CELF2: variants seen among roughly 807,000 people sequenced by gnomAD.
CELF2 encodes the protein CUG triplet repeat RNA-binding protein 2.
In CELF2, 8 loss-of-function variants were observed where a neutral mutation model predicts 62.6. The ratio of observed to expected loss-of-function variants is 0.13; its 90% CI spans 0.07 to 0.23. The LOEUF (loss-of-function observed/expected upper bound fraction) is 0.23, where lower values mean the gene tolerates loss of function less well. Among genes scored for constraint, CELF2 ranks in the 10% least tolerant of loss-of-function variants. The pLI is 1.00. For synonymous variants in CELF2, 258 were observed against 250.0 expected (o/e 1.03, Z -0.30); for missense variants, 333 against 671.0 (o/e 0.50, Z 5.56).
chr10:11,232,186 C>T (rs943107436), intron 3 of CELF2, among the ~76,000 whole-genome samples: 1 of 152,008 alleles, frequency 6.6e-6, no homozygotes, highest in Non-Finnish European at 1.5e-5. Flanking sequence ...TGTTCCCCTT[C>T]CTGTGTCCAT....
At chr10:10,497,294 G>C in the CELF2 span, among the ~76,000 whole-genome samples, 1 of 151,900 alleles carries the variant, frequency 6.6e-6, no homozygotes, top group Non-Finnish European at 1.5e-5. Flanking sequence ...AAAGATCCAA[G>C]AAAGGAGAGG....
chr10:10,991,556 CTG>C (rs1175645934), intron 2 of CELF2, among the ~76,000 whole-genome samples: 1 of 152,186 alleles, frequency 6.6e-6, no homozygotes, highest in Non-Finnish European at 1.5e-5. Flanking sequence ...ACAAATTAGA[CTG>C]TTACACTGAG....
At chr10:10,520,467 C>T in the CELF2 span, among the ~76,000 whole-genome samples, 2 of 152,054 alleles carry the variant, frequency 1.3e-5, no homozygotes, top group South Asian at 4.1e-4. Flanking sequence ...TCCTGTTCTC[C>T]CAATACTTAA....
In CELF2 at chr10:11,000,177, T is replaced by G. The variant is rs1019285568; in HGVS notation, c.89+80178T>G. 3.9e-5 allele frequency among the ~76,000 whole-genome samples: 6 copies of G among 151,966 alleles called. No homozygotes were observed. In the East Asian group the frequency reaches 7.7e-4, roughly 19 times the overall value. ...TTTTTGATTGTTTGTTTGTTTGTTT[T>G]TTTAATCAACTACATTATCCATGAT... On this transcript the variant is annotated intron_variant, in intron 2 of 13. Coordinates refer to the CELF2 transcript ENST00000636488.
intron 9 of CELF2, among the ~76,000 whole-genome samples, chr10:11,313,151 C>T (rs1455529811): frequency 6.6e-6 from 1 of 152,182 alleles, no homozygotes. Context: ...TTACACCAAA[C>T]ATCATACAAA....
chr10:10,622,679 G>A, the CELF2 span, among the ~76,000 whole-genome samples: 3 of 151,846 alleles, frequency 2.0e-5, no homozygotes, highest in Non-Finnish European at 2.9e-5. Flanking sequence ...AAATAAAGCC[G>A]AGGTTATTGT....
chr10:10,608,994 C>A, the CELF2 span, among the ~76,000 whole-genome samples: 5 of 152,138 alleles, frequency 3.3e-5, no homozygotes, highest in Non-Finnish European at 7.4e-5. Context: ...AGAACACTGG[C>A]CTCCGTGAGC....
At chr10:10,837,663 TG>T (rs1450996552) in intron 1 of CELF2, among the ~76,000 whole-genome samples, 1 of 152,184 alleles carries the variant, frequency 6.6e-6, no homozygotes, top group African/African-American at 2.4e-5. Flanking sequence ...GTCAGACTGG[TG>T]GTGACATTCC....
At chr10:10,768,229 C>T in the CELF2 span, among the ~76,000 whole-genome samples, 1 of 151,838 alleles carries the variant, frequency 6.6e-6, no homozygotes, top group Non-Finnish European at 1.5e-5. Flanking sequence ...ACATTTGCCC[C>T]ATGAGCTGGT....
rs1446320654 is a variant in CELF2, at chr10:11,316,127, T to G, written c.1096+1869T>G. ...GAATGGCAGAGAAACCATGAGTAGT[T>G]CTTGTGTGGGGTCTTGTGTGATACA... On this transcript the variant is annotated intron_variant, in intron 10 of 12. Coordinates refer to ENST00000633077, the MANE Select transcript of CELF2 (RefSeq NM_001326342.2). This position sits in a 1 kb window ranked among gnomAD's most constrained non-coding sequence, Gnocchi z 4.4. Among the ~76,000 whole-genome samples the G allele has an allele frequency of 6.6e-6, 1 of 152,234 alleles. No homozygotes were observed. Among genetic ancestry groups the G allele is most frequent in the Non-Finnish European group, 1.5e-5 (1 of 68,052 alleles).
At chr10:10,830,379 A>G (rs2057751336) in intron 1 of CELF2, among the ~76,000 whole-genome samples, 2 of 151,998 alleles carry the variant, frequency 1.3e-5, no homozygotes, top group South Asian at 4.1e-4. Context: ...GTTGCAATGT[A>G]ATCATAGCTA....
At chr10:10,584,651 T>C in the CELF2 span, among the ~76,000 whole-genome samples, 2 of 152,208 alleles carry the variant, frequency 1.3e-5, no homozygotes, top group Non-Finnish European at 2.9e-5. Context: ...TCTGAATCAC[T>C]TGTGGAGCTT....
the CELF2 span, among the ~76,000 whole-genome samples, chr10:10,721,762 T>C: frequency 2.0e-5 from 3 of 152,156 alleles, no homozygotes; most frequent in East Asian, 1.9e-4. Context: ...TTACAGCACA[T>C]TGGGGGTCTA....
At position 10,928,839 on chromosome 10, in the gene CELF2, C is replaced by G. The variant is rs1459138391; in HGVS notation, c.89+8840C>G. 6.6e-6 allele frequency among the ~76,000 whole-genome samples: 1 copy of G among 152,174 alleles called. No homozygotes were observed. The highest frequency in any genetic ancestry group is 1.5e-5 in the Non-Finnish European group (1 of 68,038). ...TAGGAAACACACTAAAATCCTATTA[C>G]TATTTGTTGTTTGTCCCCAGTGCCT... On this transcript the variant is annotated intron_variant, in intron 2 of 13. Coordinates refer to the CELF2 transcript ENST00000636488. This position sits in a 1 kb window ranked among gnomAD's most constrained non-coding sequence, Gnocchi z 4.8.
At chr10:10,898,323 T>C (rs1472206732) in intron 1 of CELF2, among the ~76,000 whole-genome samples, 3 of 152,206 alleles carry the variant, frequency 2.0e-5, no homozygotes, top group Admixed American at 6.5e-5. Flanking sequence ...AGAGGGAGCA[T>C]GCATAGGCCA....
At chr10:10,558,714 C>T in the CELF2 span, among the ~76,000 whole-genome samples, 1 of 152,092 alleles carries the variant, frequency 6.6e-6, no homozygotes, top group Non-Finnish European at 1.5e-5. Context: ...AATTTCAGCT[C>T]CTGTTATTGG....
chr10:10,765,688 A>T, the CELF2 span, among the ~76,000 whole-genome samples: 1 of 152,206 alleles, frequency 6.6e-6, no homozygotes, highest in Non-Finnish European at 1.5e-5. Context: ...GTCATGCTGG[A>T]TGCTGATCCT....
At chr10:11,216,267 G>T (rs1436043242) in intron 2 of CELF2, among the ~76,000 whole-genome samples, 1 of 152,090 alleles carries the variant, frequency 6.6e-6, no homozygotes, top group Non-Finnish European at 1.5e-5. Flanking sequence ...GAAGAATCTT[G>T]GATGTCTTTA....
At chr10:11,121,399 T>C (rs779336477) in intron 1 of CELF2, among the ~76,000 whole-genome samples, 7 of 152,168 alleles carry the variant, frequency 4.6e-5, no homozygotes, top group Non-Finnish European at 8.8e-5. Context: ...GCATTTTCTG[T>C]TTTGCAGTAC....
Sources: allele counts gnomAD v4.1 joint callset (sites outside exome capture counted in the v4.1 genomes callset), GRCh38; gene constraint gnomAD v4.1.1; non-coding constraint Gnocchi (gnomAD v3.1); transcripts MANE v1.5; gene names NCBI Gene and HGNC (gene_info 2026-07-23, HGNC 2026-07-21).